The following VAC14 variants were observed in gnomAD, a reference collection of about 807,000 sequenced individuals.
The protein encoded by VAC14 is protein VAC14 homolog.
VAC14 carries 47 observed loss-of-function variants against 85.3 expected under a neutral mutation model. That is an observed-to-expected ratio of 0.55 (90% CI 0.44 to 0.70). The LOEUF (loss-of-function observed/expected upper bound fraction) is 0.70, where lower values mean the gene tolerates loss of function less well. Among genes scored for constraint, VAC14 ranks in the 30% least tolerant of loss-of-function variants. The pLI is 0.00. For missense variants in VAC14, 861 were observed against 1,004.3 expected, an observed-to-expected ratio of 0.86 and a Z score of 1.93; for synonymous variants, 447 against 430.5, an observed-to-expected ratio of 1.04 and a Z score of -0.47.
chr16:70,697,414 G>A (rs1014993037), intron 15 of VAC14, among the ~76,000 whole-genome samples, 157 bp from the exon 16 acceptor site: 1 of 152,220 alleles, frequency 6.6e-6, no homozygotes, highest in Non-Finnish European at 1.5e-5. Flanking sequence ...GGAACGAGCC[G>A]TCACAAAGGA....
chr16:70,690,793 C>G (rs963663164), intron 18 of VAC14: 30 of 985,498 alleles, frequency 3.0e-5, no homozygotes, highest in African/African-American at 3.5e-5. Context: ...CCCAGCTGTT[C>G]TGAAGTCCCC....
In VAC14 at chr16:70,784,079, G is replaced by T. The variant is rs60505367; in HGVS notation, c.594+34C>A. The T allele has an allele frequency of 7.9e-3, 12,493 of 1,584,916 alleles. 653 individuals carry two copies. The African/African-American group carries it at 0.13, about 17-fold the overall frequency. The stretch of plus-strand genomic sequence containing the variant: ...GCTAGAGAGCAGATTTTCCAAACTG[G>T]AGGCTGGAGAAACGGTGTCCGGCCA... On this transcript the variant is annotated intron_variant, in intron 5 of 18. Transcript: ENST00000261776.
At chr16:70,779,607 G>T (rs1306177048) in intron 9 of VAC14, among the ~76,000 whole-genome samples, 3 of 152,170 alleles carry the variant, frequency 2.0e-5, no homozygotes, top group African/African-American at 7.2e-5. Context: ...ATGTATAACA[G>T]ATGTTTGCTA....
At chr16:70,707,148 C>T (rs1158044998) in intron 14 of VAC14, among the ~76,000 whole-genome samples, 2 of 152,270 alleles carry the variant, frequency 1.3e-5, no homozygotes, top group African/African-American at 2.4e-5. Context: ...CCCTCCCCCT[C>T]TGCTCTCTTC....
At chr16:70,783,575 G>A in intron 5 of VAC14, 21 bp from the exon 6 acceptor site, 4 of 1,610,716 alleles carry the variant, frequency 2.5e-6, no homozygotes, top group Non-Finnish European at 3.4e-6. Flanking sequence ...GAAGGGAACA[G>A]GAGGGGAAGT....
At chr16:70,796,033 C>A (rs182676382) in intron 1 of VAC14, among the ~76,000 whole-genome samples, 1 of 152,180 alleles carries the variant, frequency 6.6e-6, no homozygotes. Flanking sequence ...TTCATTACGA[C>A]TGATCAATGA....
chr16:70,750,475 C>T (rs1441719423), intron 12 of VAC14, among the ~76,000 whole-genome samples: 2 of 152,094 alleles, frequency 1.3e-5, no homozygotes, highest in Non-Finnish European at 2.9e-5. Flanking sequence ...CATCAGCTGG[C>T]CCCTGGTTTC....
In VAC14 at chr16:70,727,079, T is replaced by C. The variant is rs367580596; in HGVS notation, c.1661+4416A>G. 5.3e-5 allele frequency among the ~76,000 whole-genome samples: 8 copies of C among 152,252 alleles called. No individual in the cohort carries two copies. The East Asian group carries it at 5.8e-4, about 11-fold the overall frequency. On this transcript the variant is annotated intron_variant, in intron 14 of 18. Transcript: ENST00000261776. ...GATGTGTGTCTTCAAGAACTCCCGA[T>C]GCCTCTGTCTTTCTATAGCAGCCGC...
intron 14 of VAC14, among the ~76,000 whole-genome samples, chr16:70,718,019 A>G (rs2054204196): frequency 6.6e-6 from 1 of 152,228 alleles, no homozygotes; most frequent in African/African-American, 2.4e-5. Context: ...GGAGAAAGTG[A>G]GTCAACCCCA....
intron 14 of VAC14, among the ~76,000 whole-genome samples, chr16:70,721,436 C>CGAGGGGGAGGAAGGAAGAGGAAGCA (rs2054289621): frequency 6.6e-6 from 1 of 150,770 alleles, no homozygotes; most frequent in African/African-American, 2.4e-5. Context: ...ACGAGAAAGA[C>CGAGGGGGAGGAAGGAAGAGGAAGCA]GAGGGGGAGG....
intron 14 of VAC14, among the ~76,000 whole-genome samples, chr16:70,720,213 C>T (rs2054256658): frequency 6.6e-6 from 1 of 152,260 alleles, no homozygotes; most frequent in African/African-American, 2.4e-5. Flanking sequence ...GTGAAAGTGA[C>T]CTCTCTGGTG....
At chr16:70,688,411 A>C in intron 18 of VAC14, 5 of 1,020,908 alleles carry the variant, frequency 4.9e-6, no homozygotes, top group Non-Finnish European at 5.9e-6. Context: ...TTGGGGTGAA[A>C]GCCAGGGCTA....
chr16:70,708,678 C>T (rs1041379458), intron 14 of VAC14, among the ~76,000 whole-genome samples: 7 of 152,198 alleles, frequency 4.6e-5, no homozygotes, highest in African/African-American at 1.7e-4. Flanking sequence ...AGGCGTGTAA[C>T]CCTGTGCTGG....
chr16:70,720,571 G>A (rs1401151912), intron 14 of VAC14, among the ~76,000 whole-genome samples: 1 of 152,208 alleles, frequency 6.6e-6, no homozygotes, highest in African/African-American at 2.4e-5. Context: ...GGGAAGGGCT[G>A]GGAGTTGTCA....
In VAC14 at chr16:70,731,701, T is replaced by C. The variant is rs2054596861; in HGVS notation, c.1529-74A>G. ...AGGGTGATGAGATCCACACAGAATA[T>C]AAACAACTATAAATGCCAAAAAGAT... On this transcript the variant is annotated intron_variant, in intron 13 of 18. Coordinates refer to ENST00000261776, the MANE Select transcript of VAC14 (RefSeq NM_018052.5). 3.4e-6 allele frequency: 5 copies of C among 1,468,956 alleles called. No individual in the cohort carries two copies. The South Asian group carries it at 7.1e-5, about 21-fold the overall frequency. The allele number at this position is 1,468,956 out of a possible 1,614,324, so 91.0% of individuals were successfully genotyped here.
intron 12 of VAC14, among the ~76,000 whole-genome samples, chr16:70,750,642 G>T (rs959803345): frequency 6.6e-6 from 1 of 152,146 alleles, no homozygotes; most frequent in Admixed American, 6.5e-5. Flanking sequence ...CCAGCAAAGG[G>T]CATATTTCAA....
At chr16:70,747,357 T>A (rs1011047248) in intron 12 of VAC14, 2 of 152,080 alleles carry the variant, frequency 1.3e-5, no homozygotes, top group Non-Finnish European at 2.9e-5. Flanking sequence ...CAGGGCTTCT[T>A]TCTGGGGTCA....
chr16:70,755,189 C>T, intron 12 of VAC14: 1 of 338,124 alleles, frequency 3.0e-6, no homozygotes, highest in Non-Finnish European at 5.9e-6. Context: ...AGAAGGTCAG[C>T]CAGGTGGAAG....
Position 70,707,657 on chromosome 16 carries a change from C to T in VAC14, c.1662-8846G>A, listed in dbSNP as rs1487059402. The stretch of plus-strand genomic sequence containing the variant: ...TCCCTCACCCTAAGTTTGGGGCTTG[C>T]TCTAGAGAGCAAGTTGACTCCCGCT... On this transcript the variant is annotated intron_variant, in intron 14 of 18. Coordinates refer to ENST00000261776, the MANE Select transcript of VAC14 (RefSeq NM_018052.5). Among the ~76,000 whole-genome samples, 4 of 152,262 alleles carry T rather than the reference C, an allele frequency of 2.6e-5. No homozygotes were observed. In the East Asian group the frequency reaches 7.7e-4, roughly 29 times the overall value.
Sources: gnomAD v4.1 joint callset for allele counts (sites outside exome capture counted in the v4.1 genomes callset) on GRCh38, gnomAD v4.1.1 for gene constraint, MANE v1.5 for transcripts, NCBI Gene and HGNC (gene_info 2026-07-23, HGNC 2026-07-21) for gene names.